The following FRMD4A variants were observed in gnomAD, a reference collection of about 807,000 sequenced individuals.
FRMD4A encodes FERM domain containing 4A.
A neutral mutation model predicts 129.1 loss-of-function variants in FRMD4A; 29 were observed. That is an observed-to-expected ratio of 0.22 (90% CI 0.17 to 0.31). The LOEUF is 0.31. Among genes scored for constraint, FRMD4A ranks in the 10% least tolerant of loss-of-function variants. The pLI, the probability that FRMD4A is intolerant of heterozygous loss-of-function variation, is 1.00. For missense variants in FRMD4A, 1,272 were observed against 1,375.8 expected (o/e 0.92, Z 1.19); for synonymous variants, 634 against 571.6 (o/e 1.11, Z -1.56).
At chr10:14,234,110 C>T (rs2131992194) in intron 2 of FRMD4A, among the ~76,000 whole-genome samples, 1 of 152,244 alleles carries the variant, frequency 6.6e-6, no homozygotes, top group Non-Finnish European at 1.5e-5. Flanking sequence ...CAGCCACAGA[C>T]AGGCAGATAA....
chr10:13,902,471 G>GAA (rs1247139850), intron 2 of FRMD4A, among the ~76,000 whole-genome samples: 1 of 151,668 alleles, frequency 6.6e-6, no homozygotes, highest in Non-Finnish European at 1.5e-5. Context: ...GAGAGAGAGA[G>GAA]AGAGAGAGAG....
At chr10:13,681,996 G>A (rs1357163790) in intron 15 of FRMD4A, among the ~76,000 whole-genome samples, 2 of 152,072 alleles carry the variant, frequency 1.3e-5, no homozygotes, top group Admixed American at 1.3e-4. Flanking sequence ...GAAATGGGAG[G>A]ACTGCTTGAG....
chr10:14,013,651 G>A (rs1189873720), intron 2 of FRMD4A, among the ~76,000 whole-genome samples: 2 of 152,204 alleles, frequency 1.3e-5, no homozygotes, highest in East Asian at 3.9e-4. Context: ...GGCCAGCCCA[G>A]CCAGGCAGGG....
intron 2 of FRMD4A, among the ~76,000 whole-genome samples, chr10:13,958,611 TC>T (rs575851444): frequency 7.6e-6 from 1 of 132,384 alleles, no homozygotes. Context: ...TTTTTTTTTT[TC>T]CCCGCTCTTC....
At chr10:14,127,042 A>G (rs553655403) in intron 2 of FRMD4A, among the ~76,000 whole-genome samples, 1 of 152,326 alleles carries the variant, frequency 6.6e-6, no homozygotes, top group East Asian at 1.9e-4. Context: ...GGGAGGGCTG[A>G]CATTAACTGC....
intron 3 of FRMD4A, among the ~76,000 whole-genome samples, chr10:13,831,483 T>C (rs1026898779): frequency 2.0e-5 from 3 of 152,174 alleles, no homozygotes; most frequent in Non-Finnish European, 4.4e-5. Flanking sequence ...AGATTGCTGT[T>C]AGGAAACAAG....
At chr10:14,311,729 G>A (rs1426950358) in intron 2 of FRMD4A, among the ~76,000 whole-genome samples, 1 of 151,832 alleles carries the variant, frequency 6.6e-6, no homozygotes, top group Non-Finnish European at 1.5e-5. Context: ...ACAAAATCAA[G>A]CCAACCCCCA....
chr10:13,849,776 G>C (rs868584290), intron 3 of FRMD4A, among the ~76,000 whole-genome samples: 51 of 151,746 alleles, frequency 3.4e-4, no homozygotes, highest in African/African-American at 1.2e-3. Flanking sequence ...ACAGCACCTG[G>C]CCATCTCTTG....
chr10:13,804,038 A>G (rs1210849874), intron 4 of FRMD4A, among the ~76,000 whole-genome samples: 1 of 152,218 alleles, frequency 6.6e-6, no homozygotes, highest in Non-Finnish European at 1.5e-5. Context: ...AGAAAGAGCT[A>G]TGCTCAAGCA....
At chr10:14,156,815 T>C (rs1370383340) in intron 2 of FRMD4A, among the ~76,000 whole-genome samples, 1 of 152,230 alleles carries the variant, frequency 6.6e-6, no homozygotes, top group Admixed American at 6.5e-5. Flanking sequence ...TGAGCACACG[T>C]CCTGCTCAAT....
intron 6 of FRMD4A, among the ~76,000 whole-genome samples, chr10:13,776,000 G>A (rs2092589067): frequency 6.6e-6 from 1 of 152,196 alleles, no homozygotes; most frequent in South Asian, 2.1e-4. Flanking sequence ...TCACGATAAT[G>A]TCATGCTTAT....
At chr10:13,704,736 G>A (rs898990380) in intron 13 of FRMD4A, among the ~76,000 whole-genome samples, 1 of 152,160 alleles carries the variant, frequency 6.6e-6, no homozygotes, top group Admixed American at 6.5e-5. Flanking sequence ...TTGTCGTCTA[G>A]AGCAGGTTTC....
At chr10:13,800,670 G>A (rs749500278) in intron 4 of FRMD4A, among the ~76,000 whole-genome samples, 2 of 152,164 alleles carry the variant, frequency 1.3e-5, no homozygotes, top group Non-Finnish European at 2.9e-5. Flanking sequence ...GTCCCTGGGG[G>A]TCACCATTCA....
intron 6 of FRMD4A, among the ~76,000 whole-genome samples, chr10:13,781,587 A>G (rs1220068698): frequency 2.6e-5 from 4 of 152,050 alleles, no homozygotes; most frequent in Non-Finnish European, 5.9e-5. Flanking sequence ...CATGTTGGCC[A>G]GGCTAGTCTC....
chr10:14,093,430 T>C (rs1165865270), intron 2 of FRMD4A, among the ~76,000 whole-genome samples: 2 of 152,154 alleles, frequency 1.3e-5, no homozygotes, highest in East Asian at 1.9e-4. Context: ...TTCTTCCTGG[T>C]TGAGAAAGGG....
At chr10:13,974,347 T>G (rs752589697) in intron 2 of FRMD4A, among the ~76,000 whole-genome samples, 2 of 151,876 alleles carry the variant, frequency 1.3e-5, no homozygotes, top group Non-Finnish European at 2.9e-5. Context: ...CGGGGATGAG[T>G]GGCGTGCTTT....
intron 2 of FRMD4A, among the ~76,000 whole-genome samples, chr10:13,978,751 T>A (rs1249186107): frequency 2.6e-5 from 4 of 152,168 alleles, no homozygotes; most frequent in Non-Finnish European, 5.9e-5. Flanking sequence ...ACTCACTGTG[T>A]TCATCTTGGG....
intron 2 of FRMD4A, among the ~76,000 whole-genome samples, chr10:14,268,896 G>T (rs983606848): frequency 3.9e-5 from 6 of 152,054 alleles, no homozygotes; most frequent in Admixed American, 2.0e-4. Flanking sequence ...ATGGAAGTTG[G>T]GTTAGGAAAA....
intron 2 of FRMD4A, among the ~76,000 whole-genome samples, chr10:14,200,250 G>C (rs1315084066): frequency 6.7e-6 from 1 of 150,204 alleles, no homozygotes; most frequent in Non-Finnish European, 1.5e-5. Context: ...TTACTGATGG[G>C]GATGGACTCA....
Sources: allele counts gnomAD v4.1 joint callset (sites outside exome capture counted in the v4.1 genomes callset), GRCh38; gene constraint gnomAD v4.1.1; transcripts MANE v1.5; gene names NCBI Gene and HGNC (gene_info 2026-07-23, HGNC 2026-07-21).